SIPA1L1: variants seen among roughly 807,000 people sequenced by gnomAD.
The protein encoded by SIPA1L1 is signal induced proliferation associated 1 like 1, also known as signal-induced proliferation-associated 1-like protein 1.
A neutral mutation model predicts 162.7 loss-of-function variants in SIPA1L1; 26 were observed. That is an observed-to-expected ratio of 0.16 (90% CI 0.12 to 0.22). SIPA1L1 has a LOEUF of 0.22. Ranked by LOEUF, SIPA1L1 falls within the 10% of genes least tolerant of loss-of-function variation. The probability of loss-of-function intolerance (pLI) is 1.00; values close to 1 mark genes in which losing one functional copy is unlikely to be tolerated. For synonymous variants in SIPA1L1, 829 were observed against 837.4 expected (o/e 0.99, Z 0.17); for missense variants, 1,874 against 2,241.0 (o/e 0.84, Z 3.31).
intron 1 of SIPA1L1, 33 bp from the exon 2 acceptor site, chr14:71,321,089 C>T (rs971177005): frequency 2.0e-5 from 3 of 151,930 alleles, no homozygotes; most frequent in Non-Finnish European, 2.9e-5. Context: ...TGAGCGCGCG[C>T]CGGCCGTCTA....
At position 71,739,170 on chromosome 14, in the gene SIPA1L1, G is replaced by C; in HGVS notation, c.*9G>C. ...CCATAGACATGAGCTAGGGAAGGCTGAGGAGGACAGGAGAAGGGCCCAGAC... is the reference window on the plus strand; with the variant it reads ...CCATAGACATGAGCTAGGGAAGGCTCAGGAGGACAGGAGAAGGGCCCAGAC... On this transcript the variant is annotated 3_prime_UTR_variant, in exon 24 of 24. Transcript: ENST00000381232. 1.2e-6 allele frequency: 2 copies of C among 1,610,286 alleles called. No individual in the cohort carries two copies. The highest frequency in any genetic ancestry group is 1.7e-6 in the Non-Finnish European group (2 of 1,177,696).
Position 71,588,835 on chromosome 14 carries a change from T to C in SIPA1L1, c.963T>C (p.Ser321=), listed in dbSNP as rs774808103. 6 of 1,614,002 alleles carry C rather than the reference T, an allele frequency of 3.7e-6. No individual in the cohort carries two copies. The African/African-American group carries it at 4.0e-5, about 11-fold the overall frequency. Residue 321 remains serine (S), a synonymous_variant, in exon 5 of 24, where the codon TCT becomes TCC. Transcript: ENST00000381232. The surrounding 1 kb of genome is among the most constrained non-coding windows in gnomAD (Gnocchi z 4.3). ...SDLEDNRSED[S]VRPWTCPKCF... The stretch of plus-strand genomic sequence containing the variant: ...TTGAAGATAACCGATCAGAAGACTC[T>C]GTCAGGCCCTGGACATGTCCAAAGT...
intron 2 of SIPA1L1, among the ~76,000 whole-genome samples, chr14:71,350,853 T>C (rs2036631222): frequency 6.6e-6 from 1 of 152,212 alleles, no homozygotes; most frequent in South Asian, 2.1e-4. Flanking sequence ...AGGCTGTCCT[T>C]ATGAACAAGA....
At chr14:71,528,100 T>A (rs1394613657) in intron 3 of SIPA1L1, among the ~76,000 whole-genome samples, 1 of 152,176 alleles carries the variant, frequency 6.6e-6, no homozygotes, top group Non-Finnish European at 1.5e-5. Flanking sequence ...ATCTTAAAAA[T>A]CTCAAGTTCT....
chr14:71,483,357 C>T (rs141975640), intron 2 of SIPA1L1, among the ~76,000 whole-genome samples: 26 of 152,242 alleles, frequency 1.7e-4, no homozygotes, highest in African/African-American at 5.5e-4. Flanking sequence ...GCTCTTTGTG[C>T]GCACATTGCT....
chr14:71,575,069 T>TC (rs2032788838), intron 4 of SIPA1L1: 2 of 152,180 alleles, frequency 1.3e-5, no homozygotes, highest in South Asian at 4.1e-4. Flanking sequence ...ATGATATAAA[T>TC]AAAGGATTCA....
intron 9 of SIPA1L1, among the ~76,000 whole-genome samples, chr14:71,660,442 A>G (rs1488222641): frequency 2.6e-5 from 4 of 152,092 alleles, no homozygotes; most frequent in African/African-American, 9.7e-5. Context: ...CTGGCAGCCA[A>G]TACTAGATCA....
chr14:71,578,206 G>A (rs2033401639), intron 4 of SIPA1L1, among the ~76,000 whole-genome samples: 1 of 152,154 alleles, frequency 6.6e-6, no homozygotes, highest in African/African-American at 2.4e-5. Context: ...ACTGCTCCCG[G>A]ACTTTTTATT....
At chr14:71,501,699 G>A (rs139229294) in intron 2 of SIPA1L1, among the ~76,000 whole-genome samples, 28 of 152,146 alleles carry the variant, frequency 1.8e-4, no homozygotes, top group Admixed American at 2.6e-4. Context: ...GAATTTGTAC[G>A]TTTCAGTTTT....
intron 17 of SIPA1L1, among the ~76,000 whole-genome samples, chr14:71,717,402 A>G (rs984818561): frequency 1.3e-5 from 2 of 152,218 alleles, no homozygotes; most frequent in Non-Finnish European, 2.9e-5. Context: ...CAATTTGGCC[A>G]TACTCAGTTA....
Position 71,479,956 on chromosome 14 carries a change from C to A in SIPA1L1, c.-464-32787C>A, listed in dbSNP as rs75421837. 7.0e-3 allele frequency among the ~76,000 whole-genome samples: 1,069 copies of A among 152,212 alleles called. 6 individuals are homozygous for A. Among genetic ancestry groups the A allele is most frequent in the Non-Finnish European group, 0.012 (812 of 68,012 alleles). On this transcript the variant is annotated intron_variant, in intron 2 of 23. Transcript: ENST00000381232. Reference sequence around the variant, plus strand: ...CCCTTACTATATTGTCCAGGATGATCTTGAATTCCTGGGCTCAAGCGATCC... The same window carrying A: ...CCCTTACTATATTGTCCAGGATGATATTGAATTCCTGGGCTCAAGCGATCC...
intron 4 of SIPA1L1, chr14:71,574,611 G>A (rs910855051): frequency 6.6e-6 from 1 of 152,214 alleles, no homozygotes; most frequent in African/African-American, 2.4e-5. Context: ...TTTAAAATAA[G>A]CATTATTGCA....
At chr14:71,527,949 A>G (rs1227155431) in intron 3 of SIPA1L1, among the ~76,000 whole-genome samples, 1 of 152,190 alleles carries the variant, frequency 6.6e-6, no homozygotes. Flanking sequence ...GTGCAGCAGC[A>G]CAATCTCAGC....
intron 2 of SIPA1L1, among the ~76,000 whole-genome samples, chr14:71,364,911 A>T (rs1277304733): frequency 6.6e-6 from 1 of 151,044 alleles, no homozygotes; most frequent in African/African-American, 2.4e-5. Context: ...ACACCCAGCT[A>T]ATTTTTGTAT....
chr14:71,529,460 A>C (rs1273669036), intron 4 of SIPA1L1, 90 bp downstream of exon 4: 7 of 556,952 alleles, frequency 1.3e-5, no homozygotes, highest in Non-Finnish European at 2.3e-5. Flanking sequence ...AAATGAAAAC[A>C]TAGAAACAAA....
chr14:71,635,605 T>G (rs770806150), intron 7 of SIPA1L1, among the ~76,000 whole-genome samples: 30 of 152,158 alleles, frequency 2.0e-4, no homozygotes, highest in Non-Finnish European at 4.0e-4. Flanking sequence ...TAATAATACT[T>G]AAGTTCTAAG....
At chr14:71,402,018 A>G (rs940626304) in intron 2 of SIPA1L1, among the ~76,000 whole-genome samples, 1 of 152,172 alleles carries the variant, frequency 6.6e-6, no homozygotes, top group African/African-American at 2.4e-5. Flanking sequence ...AATGGTAGAA[A>G]CTTAGGCTTT....
chr14:71,708,054 T>C (rs1435662876), intron 16 of SIPA1L1, among the ~76,000 whole-genome samples: 1 of 135,242 alleles, frequency 7.4e-6, no homozygotes, highest in Non-Finnish European at 1.6e-5. Context: ...TTTGGAGAAA[T>C]GTCTATTCAA....
intron 2 of SIPA1L1, among the ~76,000 whole-genome samples, chr14:71,323,338 G>T (rs1212475147): frequency 1.3e-5 from 2 of 152,138 alleles, no homozygotes; most frequent in African/African-American, 4.8e-5. Context: ...TTAAAAATCT[G>T]TTTGAGCTGT....
Sources: gnomAD v4.1 joint callset for allele counts (sites outside exome capture counted in the v4.1 genomes callset) on GRCh38, gnomAD v4.1.1 for gene constraint, Gnocchi (gnomAD v3.1) non-coding constraint, MANE v1.5 for transcripts, NCBI Gene and HGNC (gene_info 2026-07-23, HGNC 2026-07-21) for gene names.